The following EMC2 variants were observed in gnomAD, a reference collection of about 807,000 sequenced individuals.
EMC2 encodes the protein ER membrane protein complex subunit 2, also known as TPR repeat protein 35.
A neutral mutation model predicts 51.6 loss-of-function variants in EMC2; 37 were observed. The ratio of observed to expected loss-of-function variants is 0.72; its 90% confidence interval spans 0.55 to 0.94. EMC2 has a LOEUF of 0.94. Among genes scored for constraint, EMC2 ranks in the 40% least tolerant of loss-of-function variants. The pLI is 0.00. For missense variants in EMC2, 359 were observed against 350.9 expected, an observed-to-expected ratio of 1.02 and a Z score of -0.18; for synonymous variants, 131 against 112.4, an observed-to-expected ratio of 1.17 and a Z score of -1.04.
intron 1 of EMC2, among the ~76,000 whole-genome samples, chr8:108,448,352 A>G (rs774816931): frequency 3.3e-5 from 5 of 152,112 alleles, no homozygotes; most frequent in South Asian, 2.1e-4. Flanking sequence ...TACGTCCTCT[A>G]TGACTGGTGA....
chr8:108,457,335 T>TGC (rs1425942829), intron 5 of EMC2, among the ~76,000 whole-genome samples: 2 of 34,434 alleles, frequency 5.8e-5, no homozygotes, highest in South Asian at 7.6e-4. Context: ...TGTGTGCGTG[T>TGC]GTGTGTGTGT....
chr8:108,489,144 A>G lies in EMC2; in HGVS notation c.*2546A>G, dbSNP rs1326945015. 6.6e-6 allele frequency among the ~76,000 whole-genome samples: 1 copy of G among 152,204 alleles called. No individual in the cohort carries two copies. Among genetic ancestry groups the G allele is most frequent in the Admixed American group, 6.5e-5 (1 of 15,274 alleles). ...ACCCAAATCAAGATGAGCAATTGCC[A>G]AACTCCCCAATTATTAAATGAGAAA... On this transcript the variant is annotated 3_prime_UTR_variant, in exon 11 of 11. Coordinates refer to ENST00000220853, the MANE Select transcript of EMC2 (RefSeq NM_014673.5).
rs536795785 is a variant in EMC2 at position 108,470,018 on chromosome 8, C to T, written c.450-44C>T. ...TGTTTGTTTTCATGCTGTTCATTTA[C>T]AGAATATCTACACACTTACTTTTTT... On this transcript the variant is annotated intron_variant, in intron 6 of 10. Transcript: ENST00000220853. 8.3e-6 allele frequency: 13 copies of T among 1,570,306 alleles called. No homozygotes were observed. The East Asian group carries it at 2.5e-4, about 30-fold the overall frequency.
rs375538865 is a variant in EMC2 at position 108,487,950 on chromosome 8, G to A, written c.*1352G>A. Among the ~76,000 whole-genome samples, 17 of 152,138 alleles carry A rather than the reference G, an allele frequency of 1.1e-4. No individual in the cohort carries two copies. In the South Asian group the frequency reaches 1.2e-3, roughly 11 times the overall value. On this transcript the variant is annotated 3_prime_UTR_variant, in exon 11 of 11. Coordinates refer to ENST00000220853, the MANE Select transcript of EMC2 (RefSeq NM_014673.5). ...TAATCTTTATTACCACAAAGATCCC[G>A]TCTTTGTACACATGAAATTAGTAAC...
chr8:108,452,651 T>G (rs541227574), intron 3 of EMC2, among the ~76,000 whole-genome samples: 3 of 152,276 alleles, frequency 2.0e-5, no homozygotes, highest in Non-Finnish European at 4.4e-5. Context: ...TGCTAGGAAC[T>G]TGAGATGACT....
chr8:108,486,508 T>C lies in EMC2; in HGVS notation c.808-4T>C. 1.3e-6 allele frequency: 2 copies of C among 1,537,994 alleles called. No individual in the cohort carries two copies. The highest frequency in any genetic ancestry group is 1.7e-6 in the Non-Finnish European group (2 of 1,150,124). On this transcript the variant is annotated splice_polypyrimidine_tract_variant and splice_region_variant and intron_variant, in intron 10 of 10. Coordinates refer to ENST00000220853, the MANE Select transcript of EMC2 (RefSeq NM_014673.5). ...TTGAGCTTTTTTTTTTTTTTTTTAA[T>C]TAGTTTGCAGGTCGAAGTAAGAAGG...
At chr8:108,459,903 C>T (rs1379368000) in intron 5 of EMC2, among the ~76,000 whole-genome samples, 1 of 152,064 alleles carries the variant, frequency 6.6e-6, no homozygotes, top group East Asian at 1.9e-4. Flanking sequence ...AATGTAGATA[C>T]TGAGAATAAA....
intron 4 of EMC2, among the ~76,000 whole-genome samples, chr8:108,454,397 G>C (rs903729401): frequency 1.3e-5 from 2 of 151,862 alleles, no homozygotes; most frequent in African/African-American, 4.8e-5. Context: ...TTAAATAGCT[G>C]TCTGAGAGTT....
intron 5 of EMC2, among the ~76,000 whole-genome samples, chr8:108,458,728 G>A (rs983199746): frequency 3.3e-5 from 5 of 152,204 alleles, no homozygotes; most frequent in African/African-American, 9.6e-5. Context: ...TGTGATGGGA[G>A]GGGCTGCCAT....
Position 108,443,668 on chromosome 8 carries a change from G to A in EMC2, c.10G>A (p.Val4Ile), listed in dbSNP as rs1203388489. The A allele has an allele frequency of 1.2e-6, 2 of 1,609,776 alleles. No homozygotes were observed. Among genetic ancestry groups the A allele is most frequent in the Non-Finnish European group, 1.7e-6 (2 of 1,177,958 alleles). The change falls in exon 1 of 11, where the codon GTC becomes ATC. Residue 4 changes from valine (V) to isoleucine (I), a missense_variant. Physicochemically the swap from Val to Ile is conservative, Grantham distance 29. Transcript: ENST00000220853. MAK[V>I]SELYDVTWEE... ...TCTAGGTTCTGGGAAGATGGCGAAGGTCTCAGAGCTTTACGATGTCACTTG... is the reference window on the plus strand; with the variant it reads ...TCTAGGTTCTGGGAAGATGGCGAAGATCTCAGAGCTTTACGATGTCACTTG...
chr8:108,462,329 T>C (rs563172489), intron 5 of EMC2, among the ~76,000 whole-genome samples: 5 of 152,252 alleles, frequency 3.3e-5, no homozygotes, highest in African/African-American at 9.6e-5. Context: ...TCCTTTACAT[T>C]ATCCTGTTGA....
At chr8:108,476,588 T>C (rs1290401311) in intron 8 of EMC2, among the ~76,000 whole-genome samples, 194 bp from the exon 9 acceptor site, 1 of 151,904 alleles carries the variant, frequency 6.6e-6, no homozygotes, top group East Asian at 1.9e-4. Flanking sequence ...TAGAATAGAA[T>C]AGCTTTTTTG....
intron 5 of EMC2, among the ~76,000 whole-genome samples, chr8:108,463,056 C>T (rs1398818767): frequency 1.3e-5 from 2 of 152,138 alleles, no homozygotes; most frequent in African/African-American, 2.4e-5. Flanking sequence ...CTGAGGAAGA[C>T]AGTATTTTAT....
At chr8:108,466,016 A>G (rs868094499) in intron 5 of EMC2, among the ~76,000 whole-genome samples, 1 of 152,174 alleles carries the variant, frequency 6.6e-6, no homozygotes, top group South Asian at 2.1e-4. Flanking sequence ...TGTTTATCAG[A>G]TATTTACTAT....
chr8:108,457,331 CGTGTGT>C (rs56319322), intron 5 of EMC2, among the ~76,000 whole-genome samples: 7,367 of 128,008 alleles, frequency 0.058, 244 homozygotes, highest in African/African-American at 0.099. Context: ...CGTGTGTGTG[CGTGTGT>C]GTGTGTGTGT....
chr8:108,479,133 G>C, intron 10 of EMC2, 23 bp downstream of exon 10: 2 of 1,337,002 alleles, frequency 1.5e-6, no homozygotes, highest in Middle Eastern at 4.3e-4. Flanking sequence ...TGATCATTTT[G>C]CTATGTAGGT....
chr8:108,448,806 T>C (rs988204810), intron 1 of EMC2, among the ~76,000 whole-genome samples: 2 of 152,174 alleles, frequency 1.3e-5, no homozygotes, highest in Admixed American at 1.3e-4. Context: ...TCAAATTTAT[T>C]TATTTTTAAA....
In EMC2 at chr8:108,453,068, C is replaced by G. The variant is rs760305764; in HGVS notation, c.226C>G (p.Leu76Val). The G allele has an allele frequency of 6.3e-7, 1 of 1,587,120 alleles. No individual in the cohort carries two copies. Among genetic ancestry groups the G allele is most frequent in the East Asian group, 2.3e-5 (1 of 43,698 alleles). The stretch of plus-strand genomic sequence containing the variant: ...TCAACCCTTATTTTTTCAGTTTTGT[C>G]TTCAAGAGCTGAGAAGACAGTTCCC... ...YGRDDLALFCLQELRRQFPGS... is the reference protein window; with the variant it reads ...YGRDDLALFCVQELRRQFPGS... The change falls in exon 4 of 11, where the codon CTT becomes GTT. Residue 76 changes from leucine (L) to valine (V), a missense_variant. Transcript: ENST00000220853.
intron 5 of EMC2, among the ~76,000 whole-genome samples, chr8:108,459,341 G>T (rs1028759317): frequency 5.3e-5 from 8 of 152,144 alleles, no homozygotes. Context: ...AATTTACTGT[G>T]TTAGTCGGTT....
Sources: allele counts gnomAD v4.1 joint callset (sites outside exome capture counted in the v4.1 genomes callset), GRCh38; gene constraint gnomAD v4.1.1; transcripts MANE v1.5; gene names NCBI Gene and HGNC (gene_info 2026-07-23, HGNC 2026-07-21).